Variants in TRIM2 observed in about 807,000 individuals in gnomAD.
TRIM2 encodes tripartite motif containing 2.
TRIM2 carries 20 observed loss-of-function variants against 75.2 expected under a neutral mutation model. That is an observed-to-expected ratio of 0.27 (90% CI 0.19 to 0.39). The LOEUF is 0.39. TRIM2 is among the 10% of genes least tolerant of loss of function. TRIM2 has a pLI of 1.00. For synonymous variants in TRIM2, 373 were observed against 388.3 expected, an observed-to-expected ratio of 0.96 and a Z score of 0.46; for missense variants, 660 against 990.8, an observed-to-expected ratio of 0.67 and a Z score of 4.48.
chr4:153,233,260 T>G (rs529255126), intron 1 of TRIM2, among the ~76,000 whole-genome samples: 1 of 152,120 alleles, frequency 6.6e-6, no homozygotes, highest in Admixed American at 6.5e-5. Flanking sequence ...GGGAGAAGAC[T>G]TTGGTTTAGC....
chr4:153,289,492 AGTAATG>A (rs1297445758), intron 3 of TRIM2, among the ~76,000 whole-genome samples: 20 of 152,232 alleles, frequency 1.3e-4, no homozygotes, highest in African/African-American at 4.8e-4. Flanking sequence ...GGATAATAAT[AGTAATG>A]GATGCTGATC....
At chr4:153,210,336 A>G (rs1456464067) in intron 1 of TRIM2, among the ~76,000 whole-genome samples, 1 of 152,072 alleles carries the variant, frequency 6.6e-6, no homozygotes, top group African/African-American at 2.4e-5. Flanking sequence ...AAGTAATGGG[A>G]TTTCGGGTGT....
Position 153,289,542 on chromosome 4 carries a change from A to G in TRIM2, c.454-3440A>G, listed in dbSNP as rs1211854723. ...TACATGATGAACTCTGGTCTTGAGG[A>G]TTTTTTACATTTTTCGCGACTCTAT... is the stretch of plus-strand genomic sequence containing the variant. On this transcript the variant is annotated intron_variant, in intron 3 of 11. Transcript: ENST00000338700. Among the ~76,000 whole-genome samples the G allele has an allele frequency of 2.0e-5, 3 of 152,060 alleles. No individual in the cohort carries two copies. The East Asian group carries it at 5.8e-4, about 29-fold the overall frequency.
chr4:153,178,132 T>TC (rs570178851), intron 1 of TRIM2, among the ~76,000 whole-genome samples: 54 of 152,198 alleles, frequency 3.5e-4, no homozygotes, highest in African/African-American at 1.3e-3. Context: ...AATCAAGTTC[T>TC]CTTCAGAAGA....
intron 4 of TRIM2, among the ~76,000 whole-genome samples, chr4:153,294,054 C>T (rs945106661): frequency 2.0e-5 from 3 of 152,094 alleles, no homozygotes; most frequent in Non-Finnish European, 4.4e-5. Context: ...CAAGTCTATA[C>T]ACTTAATTAA....
chr4:153,337,135 T>G lies in TRIM2; in HGVS notation c.*2169T>G. 2.0e-6 allele frequency: 2 copies of G among 985,452 alleles called. No homozygotes were observed. Among genetic ancestry groups the G allele is most frequent in the Non-Finnish European group, 2.4e-6 (2 of 829,926 alleles). 61.0% of individuals were successfully genotyped at this position (985,452 alleles called of 1,614,324 possible). On this transcript the variant is annotated 3_prime_UTR_variant, in exon 12 of 12. Transcript: ENST00000338700. Reference sequence around the variant, plus strand: ...GTTCTGCACAAAAGACAGGCTAGACTCTTGTCTAGATTGTTTAAAAGAAAC... The same window carrying G: ...GTTCTGCACAAAAGACAGGCTAGACGCTTGTCTAGATTGTTTAAAAGAAAC...
In TRIM2 at chr4:153,249,448, G is replaced by A. The variant is rs76704619; in HGVS notation, c.31-20887G>A. ...ACCGCAGGATGGAATCGTAGAGGTC[G>A]GGTGATTTGGTCAGTAGAGAGGAAC... On this transcript the variant is annotated intron_variant, in intron 1 of 11. Transcript: ENST00000338700. 2.5e-3 allele frequency among the ~76,000 whole-genome samples: 381 copies of A among 152,384 alleles called. 11 individuals are homozygous for A. The East Asian group carries it at 0.054, about 22-fold the overall frequency.
chr4:153,270,153 C>T (rs1306964026), intron 1 of TRIM2, among the ~76,000 whole-genome samples, 182 bp from the exon 2 acceptor site: 1 of 152,064 alleles, frequency 6.6e-6, no homozygotes, highest in African/African-American at 2.4e-5. Flanking sequence ...GGGTCTCGAT[C>T]TCTTGACCTC....
chr4:153,226,938 GC>G (rs1742284846), intron 1 of TRIM2, among the ~76,000 whole-genome samples: 1 of 152,162 alleles, frequency 6.6e-6, no homozygotes, highest in African/African-American at 2.4e-5. Flanking sequence ...TATGTTCTGA[GC>G]CCCCTGCTTA....
chr4:153,203,435 A>ACAC (rs1239328811), upstream of TRIM2, among the ~76,000 whole-genome samples: 1 of 151,242 alleles, frequency 6.6e-6, no homozygotes, highest in African/African-American at 2.4e-5. Flanking sequence ...ACACACACGA[A>ACAC]GAAGAACATA....
chr4:153,244,121 A>T (rs186598074), intron 1 of TRIM2, among the ~76,000 whole-genome samples: 136 of 145,804 alleles, frequency 9.3e-4, no homozygotes, highest in African/African-American at 3.1e-3. Flanking sequence ...TGCCACTGCC[A>T]TCTTCTTCTT....
intron 8 of TRIM2, among the ~76,000 whole-genome samples, chr4:153,318,067 G>A (rs1426952965): frequency 6.6e-6 from 1 of 152,172 alleles, no homozygotes; most frequent in Non-Finnish European, 1.5e-5. Flanking sequence ...TTTCCATGCC[G>A]CTAGTAACCC....
At chr4:153,275,407 C>T (rs758004874) in intron 2 of TRIM2, among the ~76,000 whole-genome samples, 10 of 152,056 alleles carry the variant, frequency 6.6e-5, no homozygotes, top group Non-Finnish European at 1.2e-4. Flanking sequence ...TGATTTTGTA[C>T]GTAAGAAGAA....
chr4:153,226,318 T>A (rs1579793769), intron 1 of TRIM2, among the ~76,000 whole-genome samples: 1 of 152,266 alleles, frequency 6.6e-6, no homozygotes, highest in East Asian at 1.9e-4. Context: ...TAAAATGTGT[T>A]CTTGAGTCTA....
intron 6 of TRIM2, among the ~76,000 whole-genome samples, chr4:153,313,732 G>A (rs938942262): frequency 7.3e-6 from 1 of 137,406 alleles, no homozygotes; most frequent in Admixed American, 8.2e-5. Flanking sequence ...TCCCATGTTT[G>A]TTTAAGCGAT....
intron 10 of TRIM2, 129 bp from the exon 11 acceptor site, chr4:153,328,401 T>C: frequency 1.2e-6 from 1 of 841,108 alleles, no homozygotes; most frequent in Admixed American, 3.4e-5. Flanking sequence ...TTTCATTTTC[T>C]TTTTTTAGAA....
intron 3 of TRIM2, among the ~76,000 whole-genome samples, chr4:153,286,415 A>G (rs1413809743): frequency 6.6e-6 from 1 of 152,114 alleles, no homozygotes; most frequent in African/African-American, 2.4e-5. Context: ...AGTTCTTCTT[A>G]AAATATTTGG....
At chr4:153,330,370 C>T (rs879770027) in intron 11 of TRIM2, among the ~76,000 whole-genome samples, 30 of 152,206 alleles carry the variant, frequency 2.0e-4, no homozygotes, top group Admixed American at 2.0e-3. Flanking sequence ...AAAAAGAAAG[C>T]TACAGACCAT....
upstream of TRIM2, among the ~76,000 whole-genome samples, chr4:153,200,803 T>C (rs527580111): frequency 1.3e-5 from 2 of 149,284 alleles, no homozygotes; most frequent in South Asian, 2.1e-4. Context: ...TTTTCTTTTT[T>C]TTTTTCCTTA....
Sources: allele counts gnomAD v4.1 joint callset (sites outside exome capture counted in the v4.1 genomes callset), GRCh38; gene constraint gnomAD v4.1.1; transcripts MANE v1.5; gene names NCBI Gene and HGNC (gene_info 2026-07-23, HGNC 2026-07-21).